The following DNM3 variants were observed in gnomAD, a reference collection of about 807,000 sequenced individuals.
DNM3 encodes dynamin 3.
In DNM3, 47 loss-of-function variants were observed where a neutral mutation model predicts 101.6. The observed-to-expected ratio is 0.46, with a 90% CI of 0.37 to 0.59. The LOEUF (loss-of-function observed/expected upper bound fraction) is 0.59, where lower values mean the gene tolerates loss of function less well. Among genes scored for constraint, DNM3 ranks in the 20% least tolerant of loss-of-function variants. The pLI is 0.00. For synonymous variants in DNM3, 385 were observed against 387.9 expected (o/e 0.99, Z 0.09); for missense variants, 849 against 1,085.7 (o/e 0.78, Z 3.06).
At chr1:172,413,130 T>C (rs368981369), downstream of DNM3, among the ~76,000 whole-genome samples, 8 of 152,218 alleles carry the variant, frequency 5.3e-5, no homozygotes, top group African/African-American at 1.9e-4. Flanking sequence ...GCATTTCTTA[T>C]AGCAAATATT....
At chr1:172,063,069 A>G (rs2051368670) in intron 10 of DNM3, among the ~76,000 whole-genome samples, 1 of 152,218 alleles carries the variant, frequency 6.6e-6, no homozygotes, top group Admixed American at 6.5e-5. Context: ...CCAGCATTTA[A>G]AGGTTTATAG....
chr1:172,264,369 T>G (rs919260241), intron 15 of DNM3, among the ~76,000 whole-genome samples: 2 of 152,204 alleles, frequency 1.3e-5, no homozygotes, highest in Admixed American at 6.5e-5. Flanking sequence ...CATGCATCTT[T>G]CAAAAGCCCA....
intron 15 of DNM3, among the ~76,000 whole-genome samples, chr1:172,303,594 C>G (rs574120131): frequency 5.3e-5 from 8 of 152,054 alleles, no homozygotes; most frequent in Admixed American, 4.6e-4. Flanking sequence ...CACCAAAGTT[C>G]AAATAAAGGA....
At chr1:172,215,791 C>T (rs571184882) in intron 14 of DNM3, among the ~76,000 whole-genome samples, 7 of 151,954 alleles carry the variant, frequency 4.6e-5, no homozygotes, top group African/African-American at 1.2e-4. Context: ...GTAATTGATG[C>T]GTCAGAAACC....
rs536514046 is a variant in DNM3, at chr1:172,092,622, T to C, written c.1494-202T>C. On this transcript the variant is annotated intron_variant, in intron 12 of 20. Coordinates refer to ENST00000627582, the MANE Select transcript of DNM3 (RefSeq NM_015569.5). ...AAGTGGTGTTATTATATTTTTGGTT[T>C]ATATGCTACTAGGAGTTATGTGCTA... Among the ~76,000 whole-genome samples, 3 of 152,344 alleles carry C rather than the reference T, an allele frequency of 2.0e-5. No homozygotes were observed. In the East Asian group the frequency reaches 5.8e-4, roughly 29 times the overall value.
At chr1:172,254,709 G>A (rs746567554) in intron 15 of DNM3, among the ~76,000 whole-genome samples, 2 of 152,052 alleles carry the variant, frequency 1.3e-5, no homozygotes, top group Non-Finnish European at 2.9e-5. Context: ...TGTATTTTGA[G>A]CTGACCATCA....
In DNM3 at chr1:172,348,300, A is replaced by C. The variant is rs184566802; in HGVS notation, c.1893+24960A>C. ...AATTCTTAGAATCAGGAAATAAAAC[A>C]ATTCTCAAATAGGATTTTTAAGAAA... On this transcript the variant is annotated intron_variant, in intron 17 of 20. Coordinates refer to ENST00000627582, the MANE Select transcript of DNM3 (RefSeq NM_015569.5). Among the ~76,000 whole-genome samples the C allele has an allele frequency of 2.3e-3, 351 of 152,312 alleles. 6 individuals are homozygous for C. The highest frequency in any genetic ancestry group is 7.4e-4 in the Non-Finnish European group (50 of 68,022).
At chr1:172,065,828 G>A (rs1354268465) in intron 10 of DNM3, among the ~76,000 whole-genome samples, 1 of 152,146 alleles carries the variant, frequency 6.6e-6, no homozygotes, top group Non-Finnish European at 1.5e-5. Flanking sequence ...ATAAATAAAA[G>A]TGTGCATAAT....
intron 14 of DNM3, among the ~76,000 whole-genome samples, chr1:172,242,658 G>A (rs1423919947): frequency 2.0e-5 from 3 of 152,128 alleles, no homozygotes; most frequent in Non-Finnish European, 4.4e-5. Context: ...GCCCAGGCTG[G>A]TCTGAAACTC....
chr1:172,082,927 T>C (rs961766510), intron 12 of DNM3, among the ~76,000 whole-genome samples: 2 of 152,248 alleles, frequency 1.3e-5, no homozygotes, highest in Non-Finnish European at 2.9e-5. Context: ...TGACGATTAC[T>C]AGTGAAGGGT....
chr1:172,199,599 G>T (rs2060078728), intron 14 of DNM3, among the ~76,000 whole-genome samples: 1 of 152,036 alleles, frequency 6.6e-6, no homozygotes, highest in Middle Eastern at 3.4e-3. Flanking sequence ...TCCTGTGTTG[G>T]GTGCATATAT....
chr1:171,923,412 C>T (rs2040332003), intron 2 of DNM3, among the ~76,000 whole-genome samples: 1 of 151,918 alleles, frequency 6.6e-6, no homozygotes, highest in African/African-American at 2.4e-5. Context: ...ATACAAGTCC[C>T]ATATCAGATA....
At chr1:172,397,457 G>A (rs1200463562) in intron 20 of DNM3, among the ~76,000 whole-genome samples, 1 of 152,108 alleles carries the variant, frequency 6.6e-6, no homozygotes, top group Non-Finnish European at 1.5e-5. Flanking sequence ...TAAGATGAAT[G>A]GACCAGAAAA....
At chr1:171,875,313 G>A (rs1285574259) in intron 1 of DNM3, among the ~76,000 whole-genome samples, 1 of 152,092 alleles carries the variant, frequency 6.6e-6, no homozygotes, top group Non-Finnish European at 1.5e-5. Context: ...CCTTTCCTCT[G>A]CAGGCTTGCC....
intron 17 of DNM3, among the ~76,000 whole-genome samples, chr1:172,326,556 C>A (rs954216232): frequency 8.6e-5 from 13 of 151,744 alleles, no homozygotes; most frequent in Non-Finnish European, 1.6e-4. Context: ...AATTAACCTC[C>A]ATGTTGTGTC....
chr1:172,355,755 G>C (rs1423410731), intron 17 of DNM3, among the ~76,000 whole-genome samples: 2 of 152,126 alleles, frequency 1.3e-5, no homozygotes, highest in African/African-American at 4.8e-5. Flanking sequence ...GGAAAGATAG[G>C]AATGTATATA....
chr1:172,194,134 G>A (rs2059852212), intron 14 of DNM3, among the ~76,000 whole-genome samples: 1 of 152,152 alleles, frequency 6.6e-6, no homozygotes, highest in Admixed American at 6.5e-5. Flanking sequence ...TAGTCATTCA[G>A]GAGCAGGTTG....
intron 17 of DNM3, 138 bp from the exon 18 acceptor site, chr1:172,378,880 A>G (rs1185018309): frequency 5.1e-6 from 5 of 989,216 alleles, no homozygotes; most frequent in Middle Eastern, 5.0e-4. Flanking sequence ...CAGTGGATGC[A>G]TAAGATAAAA....
At chr1:172,145,227 T>C (rs1264295780) in intron 14 of DNM3, among the ~76,000 whole-genome samples, 2 of 152,104 alleles carry the variant, frequency 1.3e-5, no homozygotes, top group African/African-American at 4.8e-5. Flanking sequence ...CAGAGCTCAT[T>C]TGGAAACCTT....
Sources: allele counts gnomAD v4.1 joint callset (sites outside exome capture counted in the v4.1 genomes callset), GRCh38; gene constraint gnomAD v4.1.1; transcripts MANE v1.5; gene names NCBI Gene and HGNC (gene_info 2026-07-23, HGNC 2026-07-21).